XIRP2: variants seen among roughly 807,000 people sequenced by gnomAD.
XIRP2 encodes xin actin-binding repeat-containing protein 2.
A neutral mutation model predicts 277.0 loss-of-function variants in XIRP2; 236 were observed. The ratio of observed to expected loss-of-function variants is 0.85; its 90% CI spans 0.77 to 0.95. XIRP2 has a LOEUF of 0.95. XIRP2 is among the 40% of genes least tolerant of loss of function. XIRP2 has a pLI of 0.00. For synonymous variants in XIRP2, 1,490 were observed against 1,416.5 expected, an observed-to-expected ratio of 1.05 and a Z score of -1.17; for missense variants, 4,640 against 4,157.5, an observed-to-expected ratio of 1.12 and a Z score of -3.19.
intron 2 of XIRP2, among the ~76,000 whole-genome samples, chr2:167,056,112 A>G (rs1441403768): frequency 1.3e-5 from 2 of 152,196 alleles, no homozygotes; most frequent in Non-Finnish European, 2.9e-5. Flanking sequence ...CTCTTACAGC[A>G]CAAACATTAC....
At chr2:166,913,139 AGGGATGTTTAAGTCT>A (rs946456727) in intron 2 of XIRP2, among the ~76,000 whole-genome samples, 3 of 152,184 alleles carry the variant, frequency 2.0e-5, no homozygotes, top group African/African-American at 7.2e-5. Context: ...GCTGTCAGAC[AGGGATGTTTAAGTCT>A]GCAGAAGTTT....
intron 2 of XIRP2, among the ~76,000 whole-genome samples, chr2:167,073,684 A>C (rs1238082457): frequency 6.6e-6 from 1 of 152,200 alleles, no homozygotes; most frequent in Non-Finnish European, 1.5e-5. Context: ...AAATTTAGAA[A>C]GGATTTCCTT....
chr2:167,020,603 CT>C (rs1335258060), intron 2 of XIRP2, among the ~76,000 whole-genome samples: 1 of 151,834 alleles, frequency 6.6e-6, no homozygotes, highest in Non-Finnish European at 1.5e-5. Flanking sequence ...CCAGACAATT[CT>C]TTTTTGACTA....
At chr2:167,110,641 G>T (rs750100797) in intron 2 of XIRP2, among the ~76,000 whole-genome samples, 1 of 151,986 alleles carries the variant, frequency 6.6e-6, no homozygotes, top group Non-Finnish European at 1.5e-5. Flanking sequence ...GCTTTGGATT[G>T]TCTTGGCTAC....
chr2:167,258,362 T>G lies in XIRP2; in HGVS notation c.*545T>G. 1 of 1,613,220 alleles carries G rather than the reference T, an allele frequency of 6.2e-7. No individual in the cohort carries two copies. Among genetic ancestry groups the G allele is most frequent in the Non-Finnish European group, 8.5e-7 (1 of 1,179,606 alleles). ...TCCATTTTTGCAGCCTTATCTACAGTCCACCCATGTTTGTCAGAAAGAGGA... is the reference window on the plus strand; with the variant it reads ...TCCATTTTTGCAGCCTTATCTACAGGCCACCCATGTTTGTCAGAAAGAGGA... On this transcript the variant is annotated 3_prime_UTR_variant, in exon 11 of 11. Coordinates refer to ENST00000409195, the MANE Select transcript of XIRP2 (RefSeq NM_152381.6).
chr2:166,969,568 A>G (rs1686520773), intron 2 of XIRP2, among the ~76,000 whole-genome samples: 1 of 151,808 alleles, frequency 6.6e-6, no homozygotes, highest in Admixed American at 6.6e-5. Context: ...CCTTTCAATC[A>G]TTGTTCCTTT....
In XIRP2 at chr2:167,243,041, A is replaced by G; in HGVS notation, c.1649A>G (p.Asn550Ser). The change falls in exon 9 of 11, where the codon AAT becomes AGT. Residue 550 changes from asparagine (N) to serine (S), a missense_variant. Transcript: ENST00000409195. ...GCCCGGTATGTTTTTGAAAACACAAATGACAGTTCTCAAAAAGATCTGAAC... is the reference window on the plus strand; with the variant it reads ...GCCCGGTATGTTTTTGAAAACACAAGTGACAGTTCTCAAAAAGATCTGAAC... Reference protein sequence around the residue: ...QQARYVFENTNDSSQKDLNSE... With the variant: ...QQARYVFENTSDSSQKDLNSE... 1 of 1,614,074 alleles carries G rather than the reference A, an allele frequency of 6.2e-7. No individual in the cohort carries two copies. The highest frequency in any genetic ancestry group is 8.5e-7 in the Non-Finnish European group (1 of 1,179,972).
At position 167,243,959 on chromosome 2, in the gene XIRP2, T is replaced by C; in HGVS notation, c.2567T>C (p.Val856Ala). 6.2e-7 allele frequency: 1 copy of C among 1,614,014 alleles called. No homozygotes were observed. The highest frequency in any genetic ancestry group is 8.5e-7 in the Non-Finnish European group (1 of 1,179,946). Reference protein sequence around the residue: ...ETQPLDILKEVPDADSLQREE... With the variant: ...ETQPLDILKEAPDADSLQREE... ...CAGCCATTAGACATTCTAAAAGAAG[T>C]TCCTGATGCAGATTCTCTACAACGT... Residue 856 changes from valine (V) to alanine (A), a missense_variant, in exon 9 of 11, where the codon GTT becomes GCT. Coordinates refer to ENST00000409195, the MANE Select transcript of XIRP2 (RefSeq NM_152381.6).
chr2:166,935,377 G>A (rs116249084), intron 2 of XIRP2, among the ~76,000 whole-genome samples: 2,820 of 152,276 alleles, frequency 0.019, 99 homozygotes, highest in African/African-American at 0.063. Flanking sequence ...TAGAAAGAGG[G>A]ATGGATGGAC....
At chr2:167,116,739 C>T (rs187191179) in intron 2 of XIRP2, among the ~76,000 whole-genome samples, 1 of 152,096 alleles carries the variant, frequency 6.6e-6, no homozygotes, top group Non-Finnish European at 1.5e-5. Context: ...TATGTAATTA[C>T]ATTTAAAAAG....
At chr2:166,914,354 T>C (rs576665942) in intron 2 of XIRP2, among the ~76,000 whole-genome samples, 45 of 152,308 alleles carry the variant, frequency 3.0e-4, no homozygotes, top group African/African-American at 9.6e-4. Flanking sequence ...TTTGTTTTGT[T>C]TTTTGAGATG....
At chr2:167,227,094 C>G (rs1202809483) in intron 5 of XIRP2, among the ~76,000 whole-genome samples, 1 of 152,110 alleles carries the variant, frequency 6.6e-6, no homozygotes, top group African/African-American at 2.4e-5. Flanking sequence ...GATTTGCTAT[C>G]CCAGGGTTGA....
chr2:166,982,530 T>C (rs1166240460), intron 2 of XIRP2, among the ~76,000 whole-genome samples: 1 of 152,074 alleles, frequency 6.6e-6, no homozygotes, highest in Admixed American at 6.5e-5. Flanking sequence ...GTTTTTTTAT[T>C]AATTTTTAAT....
At chr2:166,952,362 C>T (rs1686058375) in intron 2 of XIRP2, among the ~76,000 whole-genome samples, 1 of 152,008 alleles carries the variant, frequency 6.6e-6, no homozygotes, top group Non-Finnish European at 1.5e-5. Context: ...AATCATATCA[C>T]ATTTTAATTT....
At chr2:166,995,874 A>C (rs1387952984) in intron 2 of XIRP2, among the ~76,000 whole-genome samples, 1 of 152,142 alleles carries the variant, frequency 6.6e-6, no homozygotes, top group Non-Finnish European at 1.5e-5. Context: ...CGCAGAGCCT[A>C]TACTTGCACT....
At chr2:167,112,799 G>C (rs1349481910) in intron 2 of XIRP2, among the ~76,000 whole-genome samples, 1 of 151,814 alleles carries the variant, frequency 6.6e-6, no homozygotes, top group African/African-American at 2.4e-5. Flanking sequence ...CTACAGGTGT[G>C]TGCCACCACA....
intron 2 of XIRP2, among the ~76,000 whole-genome samples, chr2:166,906,030 T>TA (rs1491142813): frequency 6.6e-6 from 1 of 152,024 alleles, no homozygotes; most frequent in Non-Finnish European, 1.5e-5. Flanking sequence ...ATAAATCATC[T>TA]AAAAAATTCT....
intron 2 of XIRP2, among the ~76,000 whole-genome samples, chr2:166,950,690 G>T (rs758020556): frequency 3.3e-5 from 5 of 151,936 alleles, no homozygotes; most frequent in Non-Finnish European, 5.9e-5. Context: ...TAAAATAAGA[G>T]CTTGTTGCTC....
chr2:166,965,895 G>T (rs1686420172), intron 2 of XIRP2, among the ~76,000 whole-genome samples: 2 of 151,116 alleles, frequency 1.3e-5, no homozygotes, highest in Non-Finnish European at 1.5e-5. Context: ...CTCTAAGTTT[G>T]ATTTCTTTTT....
Sources: gnomAD v4.1 joint callset for allele counts (sites outside exome capture counted in the v4.1 genomes callset) on GRCh38, gnomAD v4.1.1 for gene constraint, MANE v1.5 for transcripts, NCBI Gene and HGNC (gene_info 2026-07-23, HGNC 2026-07-21) for gene names.